Variants in KCNJ6 observed in about 807,000 individuals in gnomAD.
The protein encoded by KCNJ6 is potassium inwardly rectifying channel subfamily J member 6.
Under a neutral mutation model 34.2 loss-of-function variants are expected in KCNJ6, and 9 were observed. The observed-to-expected ratio is 0.26, with a 90% CI of 0.16 to 0.46. The LOEUF (loss-of-function observed/expected upper bound fraction) is 0.46. Among genes scored for constraint, KCNJ6 ranks in the 20% least tolerant of loss-of-function variants. The pLI is 1.00. For synonymous variants in KCNJ6, 196 were observed against 207.1 expected, an observed-to-expected ratio of 0.95 and a Z score of 0.46; for missense variants, 236 against 531.3, an observed-to-expected ratio of 0.44 and a Z score of 5.46.
At chr21:37,636,241 C>G (rs2054357512) in intron 3 of KCNJ6, among the ~76,000 whole-genome samples, 1 of 152,230 alleles carries the variant, frequency 6.6e-6, no homozygotes, top group Non-Finnish European at 1.5e-5. Flanking sequence ...AAATGCCAGT[C>G]TCTTCTGGAA....
chr21:37,699,639 T>C (rs1278470726), intron 3 of KCNJ6, among the ~76,000 whole-genome samples: 1 of 152,190 alleles, frequency 6.6e-6, no homozygotes, highest in Admixed American at 6.5e-5. Flanking sequence ...TCCAATCTCC[T>C]GGCCTTGGAG....
Position 37,623,347 on chromosome 21 carries a change from G to T in KCNJ6, c.*1812C>A, listed in dbSNP as rs565443041. ...AAGGCAAGGGAAACAAAGAGGGACA[G>T]CTAGTTTGATCTCTTTGACCTCCAT... is the stretch of plus-strand genomic sequence containing the variant. On this transcript the variant is annotated 3_prime_UTR_variant, in exon 4 of 4. Coordinates refer to ENST00000609713, the MANE Select transcript of KCNJ6 (RefSeq NM_002240.5). 6.6e-6 allele frequency: 1 copy of T among 152,234 alleles called. No individual in the cohort carries two copies. The highest frequency in any genetic ancestry group is 1.5e-5 in the Non-Finnish European group (1 of 68,078). 9.4% of individuals were successfully genotyped at this position (152,234 alleles called of 1,614,324 possible). A position where few individuals can be genotyped will look rare whatever the true frequency, so the allele number is the denominator to read the frequency against.
chr21:37,874,553 A>C (rs1419054376), intron 1 of KCNJ6, among the ~76,000 whole-genome samples: 1 of 152,240 alleles, frequency 6.6e-6, no homozygotes, highest in Non-Finnish European at 1.5e-5. Flanking sequence ...CCAAATTATA[A>C]GTATTTATGC....
intron 2 of KCNJ6, among the ~76,000 whole-genome samples, chr21:37,805,992 C>A (rs2055291799): frequency 6.6e-6 from 1 of 152,132 alleles, no homozygotes; most frequent in Non-Finnish European, 1.5e-5. Flanking sequence ...TTTAAGTGCC[C>A]ACTTTGTGAT....
intron 2 of KCNJ6, among the ~76,000 whole-genome samples, chr21:37,796,779 C>CTTTTTTTTTTTTT (rs1172378200): frequency 1.1e-3 from 81 of 71,478 alleles, no homozygotes; most frequent in East Asian, 3.8e-3. Flanking sequence ...TTCTTTCTTT[C>CTTTTTTTTTTTTT]TTTTTTTTTT....
chr21:37,774,739 C>G (rs1355395366), intron 2 of KCNJ6, among the ~76,000 whole-genome samples: 1 of 152,176 alleles, frequency 6.6e-6, no homozygotes, highest in African/African-American at 2.4e-5. Context: ...TTTCTTAATC[C>G]AGTCTATCAT....
chr21:37,751,418 G>A (rs2054994737), intron 2 of KCNJ6, among the ~76,000 whole-genome samples: 1 of 152,240 alleles, frequency 6.6e-6, no homozygotes, highest in Non-Finnish European at 1.5e-5. Flanking sequence ...ACCAGGGAGA[G>A]CAAACGGGAG....
rs140096436 is a variant in KCNJ6 at position 37,916,139 on chromosome 21, C to A, written c.-283G>T. The A allele has an allele frequency of 0.013, 1,943 of 152,420 alleles. 26 individuals carry two copies. The highest frequency in any genetic ancestry group is 0.021 in the Non-Finnish European group (1,422 of 68,176). The allele number at this position is 152,420 out of a possible 1,614,324, so 9.4% of individuals were successfully genotyped here. A position where few individuals can be genotyped will look rare whatever the true frequency, so the allele number is the denominator to read the frequency against. Reference sequence around the variant, plus strand: ...GCGGGTCTCCACCCCTCCGCCCGCCCAGCCTCTCCAGCCAGGTGCGGCCGT... The same window carrying A: ...GCGGGTCTCCACCCCTCCGCCCGCCAAGCCTCTCCAGCCAGGTGCGGCCGT... On this transcript the variant is annotated 5_prime_UTR_variant, in exon 1 of 4. Transcript: ENST00000609713.
intron 2 of KCNJ6, among the ~76,000 whole-genome samples, chr21:37,795,775 CA>C (rs1235335125): frequency 3.3e-5 from 5 of 150,274 alleles, no homozygotes; most frequent in Non-Finnish European, 7.4e-5. Flanking sequence ...ACATAGAATG[CA>C]ACCACATTTT....
chr21:37,779,481 C>G (rs1035065309), intron 2 of KCNJ6, among the ~76,000 whole-genome samples: 1 of 152,192 alleles, frequency 6.6e-6, no homozygotes, highest in Non-Finnish European at 1.5e-5. Flanking sequence ...TACCCCTAAC[C>G]TGTCTGATTG....
At chr21:37,912,528 T>A (rs1193986766) in intron 1 of KCNJ6, among the ~76,000 whole-genome samples, 1 of 152,234 alleles carries the variant, frequency 6.6e-6, no homozygotes, top group Non-Finnish European at 1.5e-5. Context: ...ATCCTCATAA[T>A]GAACGTCTAC....
rs73408745 is a variant in KCNJ6, at chr21:37,746,587, A to G, written c.26-31456T>C. Among the ~76,000 whole-genome samples, 1,128 of 152,096 alleles carry G rather than the reference A, an allele frequency of 7.4e-3. 10 individuals are homozygous for G. Among genetic ancestry groups the G allele is most frequent in the African/African-American group, 0.026 (1,067 of 41,488 alleles). ...TTCCATAACTTGCCTAGGGTGTTTG[A>G]CCTCTAAAGCTGGTATTCTCCATGA... On this transcript the variant is annotated intron_variant, in intron 2 of 3. Coordinates refer to ENST00000609713, the MANE Select transcript of KCNJ6 (RefSeq NM_002240.5).
At chr21:37,878,268 T>A (rs2055689106) in intron 1 of KCNJ6, among the ~76,000 whole-genome samples, 1 of 152,136 alleles carries the variant, frequency 6.6e-6, no homozygotes, top group Non-Finnish European at 1.5e-5. Context: ...TGTGGGATTT[T>A]TTTTTTTTAA....
chr21:37,844,783 C>A (rs2055498220), intron 1 of KCNJ6, among the ~76,000 whole-genome samples: 1 of 152,170 alleles, frequency 6.6e-6, no homozygotes, highest in Non-Finnish European at 1.5e-5. Flanking sequence ...TCTTTCTGAC[C>A]ATTTTCCTGA....
intron 1 of KCNJ6, among the ~76,000 whole-genome samples, chr21:37,865,453 C>G (rs2055618071): frequency 6.6e-6 from 1 of 152,208 alleles, no homozygotes; most frequent in Non-Finnish European, 1.5e-5. Flanking sequence ...AAGACACTGG[C>G]TGGAGGGGGA....
At chr21:37,707,050 T>C (rs1213833209) in intron 3 of KCNJ6, among the ~76,000 whole-genome samples, 1 of 152,230 alleles carries the variant, frequency 6.6e-6, no homozygotes, top group African/African-American at 2.4e-5. Flanking sequence ...CAAAGTCCCT[T>C]CTGACTGAGT....
At chr21:37,859,487 TTATATATATATATATA>T (rs55859652) in intron 1 of KCNJ6, among the ~76,000 whole-genome samples, 13,206 of 84,240 alleles carry the variant, frequency 0.16, 1,360 homozygotes, top group African/African-American at 0.22. Context: ...TTATATTACT[TTATATATATATATATA>T]TATATATATA....
intron 2 of KCNJ6, among the ~76,000 whole-genome samples, chr21:37,811,382 T>G (rs2055321724): frequency 6.6e-6 from 1 of 152,172 alleles, no homozygotes; most frequent in Non-Finnish European, 1.5e-5. Flanking sequence ...TTATAGCCAG[T>G]CAGAGGTATG....
At position 37,830,172 on chromosome 21, in the gene KCNJ6, C is replaced by A. The variant is rs559622696; in HGVS notation, c.25+10486G>T. 3.3e-5 allele frequency among the ~76,000 whole-genome samples: 5 copies of A among 152,288 alleles called. No homozygotes were observed. In the South Asian group the frequency reaches 1.0e-3, roughly 32 times the overall value. On this transcript the variant is annotated intron_variant, in intron 2 of 3. Coordinates refer to ENST00000609713, the MANE Select transcript of KCNJ6 (RefSeq NM_002240.5). ...ATCAATTAAATACAGATTCTTATGT[C>A]TGAATTGTCTCCACAGTCAGGTGGC...
Sources: allele counts gnomAD v4.1 joint callset (sites outside exome capture counted in the v4.1 genomes callset), GRCh38; gene constraint gnomAD v4.1.1; transcripts MANE v1.5; gene names NCBI Gene and HGNC (gene_info 2026-07-23, HGNC 2026-07-21).